Variants in IFT43 observed in about 807,000 individuals in gnomAD.
The protein encoded by IFT43 is intraflagellar transport 43.
Under a neutral mutation model 32.3 loss-of-function variants are expected in IFT43, and 33 were observed. That is an observed-to-expected ratio of 1.02 (90% CI 0.77 to 1.37). The LOEUF is 1.37. IFT43 is among the 40% of genes most tolerant of loss of function. The pLI, the probability that IFT43 is intolerant of heterozygous loss-of-function variation, is 0.00. For missense variants in IFT43, 274 were observed against 265.9 expected (o/e 1.03, Z -0.21); for synonymous variants, 93 against 98.2 (o/e 0.95, Z 0.31).
chr14:76,014,881 A>G (rs2036154465), intron 2 of IFT43, among the ~76,000 whole-genome samples: 1 of 152,118 alleles, frequency 6.6e-6, no homozygotes, highest in Non-Finnish European at 1.5e-5. Context: ...TCCTGGAACA[A>G]TTCTGTGTCT....
intron 5 of IFT43, among the ~76,000 whole-genome samples, chr14:76,079,948 G>A (rs1470422621): frequency 6.6e-6 from 1 of 151,990 alleles, no homozygotes; most frequent in African/African-American, 2.4e-5. Context: ...AGTGGGGAGG[G>A]GGGAAGGAGA....
intron 1 of IFT43, among the ~76,000 whole-genome samples, chr14:75,986,885 C>T (rs1021455783): frequency 6.6e-6 from 1 of 152,158 alleles, no homozygotes; most frequent in African/African-American, 2.4e-5. Flanking sequence ...TGTAGTTATT[C>T]ATTCATTCAA....
intron 3 of IFT43, among the ~76,000 whole-genome samples, chr14:76,047,482 C>T (rs535010377): frequency 6.6e-6 from 1 of 152,252 alleles, no homozygotes; most frequent in African/African-American, 2.4e-5. Flanking sequence ...ATGTTAAGAG[C>T]AGGTTAACTG....
At position 76,083,524 on chromosome 14, in the gene IFT43, G is replaced by A. The variant is rs762197208; in HGVS notation, c.574G>A (p.Asp192Asn). ...GTCCTCAGAGGTCCTCACTGAGTGG[G>A]ACCCACTGCAGACGGAGAAGGAGGA... is the stretch of plus-strand genomic sequence containing the variant. ...EVSSEVLTEW[D>N]PLQTEKEDPA... is the part of the protein sequence containing the mutation. Residue 192 changes from aspartate (D) to asparagine (N), a missense_variant, in exon 9 of 9, where the codon GAC becomes AAC. Coordinates refer to ENST00000314067, the MANE Select transcript of IFT43 (RefSeq NM_001102564.3). 8 of 1,614,056 alleles carry A rather than the reference G, an allele frequency of 5.0e-6. No homozygotes were observed. The African/African-American group carries it at 8.0e-5, about 16-fold the overall frequency.
intron 1 of IFT43, among the ~76,000 whole-genome samples, chr14:75,988,203 C>T (rs988824751): frequency 6.6e-6 from 1 of 151,956 alleles, no homozygotes; most frequent in African/African-American, 2.4e-5. Flanking sequence ...ACAGGGGGAC[C>T]CCATATCTAC....
chr14:76,033,458 GT>G (rs1286128510), intron 3 of IFT43, among the ~76,000 whole-genome samples: 1 of 152,208 alleles, frequency 6.6e-6, no homozygotes, highest in Non-Finnish European at 1.5e-5. Flanking sequence ...GGCTGGGTAA[GT>G]TATTGAGGAG....
At chr14:76,052,011 A>C (rs2036922784) in intron 3 of IFT43, among the ~76,000 whole-genome samples, 1 of 152,156 alleles carries the variant, frequency 6.6e-6, no homozygotes, top group African/African-American at 2.4e-5. Flanking sequence ...AGGGCCTTCC[A>C]CGGGCACAGG....
chr14:76,051,993 A>C (rs1392407247), intron 3 of IFT43, among the ~76,000 whole-genome samples: 3 of 151,984 alleles, frequency 2.0e-5, no homozygotes, highest in Admixed American at 2.0e-4. Flanking sequence ...TGAGGGATGG[A>C]CTCGCATAGG....
intron 2 of IFT43, among the ~76,000 whole-genome samples, chr14:75,999,838 C>T (rs934302894): frequency 6.6e-6 from 1 of 152,240 alleles, no homozygotes; most frequent in African/African-American, 2.4e-5. Context: ...ATAGGCCTGG[C>T]ATTCCAAGTG....
chr14:76,079,843 G>A (rs771542502), intron 5 of IFT43, among the ~76,000 whole-genome samples: 6 of 152,078 alleles, frequency 3.9e-5, no homozygotes, highest in South Asian at 2.1e-4. Context: ...GAGGCAGGCC[G>A]GATCACTGCT....
At chr14:76,082,460 A>T in intron 6 of IFT43, 93 bp downstream of exon 6, 2 of 1,186,118 alleles carry the variant, frequency 1.7e-6, no homozygotes, top group African/African-American at 3.0e-5. Flanking sequence ...GTCAATCTGG[A>T]TCTTTCTGGT....
chr14:76,053,913 C>T (rs2036962395), intron 3 of IFT43, among the ~76,000 whole-genome samples: 1 of 152,178 alleles, frequency 6.6e-6, no homozygotes, highest in Non-Finnish European at 1.5e-5. Flanking sequence ...ATTTCAGGAT[C>T]ACTCAGGAAC....
At chr14:76,015,048 T>C (rs541285586) in intron 2 of IFT43, among the ~76,000 whole-genome samples, 2 of 152,314 alleles carry the variant, frequency 1.3e-5, no homozygotes, top group East Asian at 3.9e-4. Context: ...CATCTTCTAC[T>C]TTTTCTATTG....
chr14:76,042,887 C>T (rs1193862245), intron 3 of IFT43, among the ~76,000 whole-genome samples: 1 of 152,188 alleles, frequency 6.6e-6, no homozygotes, highest in Non-Finnish European at 1.5e-5. Flanking sequence ...ACTCCAAGTA[C>T]ATGTTAAATC....
chr14:76,080,818 C>T (rs774528401), intron 5 of IFT43, among the ~76,000 whole-genome samples: 1 of 152,174 alleles, frequency 6.6e-6, no homozygotes, highest in Admixed American at 6.5e-5. Flanking sequence ...TAGAGCATTC[C>T]ATCTCCAATT....
chr14:76,059,100 G>A, intron 4 of IFT43: 3 of 1,458,270 alleles, frequency 2.1e-6, no homozygotes, highest in Non-Finnish European at 2.7e-6. Flanking sequence ...CTGCATTCAT[G>A]TCATAGCCTC....
rs536737184 is a variant in IFT43, at chr14:76,062,360, G to A, written c.295+2987G>A. On this transcript the variant is annotated intron_variant, in intron 5 of 8. Coordinates refer to ENST00000314067, the MANE Select transcript of IFT43 (RefSeq NM_001102564.3). Reference sequence around the variant, plus strand: ...GCTGGGATTACAGGTGTGAGCCACCGCGCCCGGCCTGTTTTTCTGCTTCTT... The same window carrying A: ...GCTGGGATTACAGGTGTGAGCCACCACGCCCGGCCTGTTTTTCTGCTTCTT... Among the ~76,000 whole-genome samples, 34 of 152,018 alleles carry A rather than the reference G, an allele frequency of 2.2e-4. No individual in the cohort carries two copies. The South Asian group carries it at 3.6e-3, about 16-fold the overall frequency.
intron 1 of IFT43, among the ~76,000 whole-genome samples, chr14:75,987,299 G>C (rs1362513975): frequency 1.3e-5 from 2 of 152,160 alleles, no homozygotes; most frequent in Non-Finnish European, 2.9e-5. Context: ...AAAATAAGCT[G>C]CTTATTATCA....
intron 5 of IFT43, among the ~76,000 whole-genome samples, chr14:76,073,780 G>A (rs776555015): frequency 3.2e-4 from 49 of 152,290 alleles, no homozygotes; most frequent in Non-Finnish European, 6.6e-4. Flanking sequence ...GAACTCCTTT[G>A]AAAATTGCAG....
Sources: allele counts gnomAD v4.1 joint callset (sites outside exome capture counted in the v4.1 genomes callset), GRCh38; gene constraint gnomAD v4.1.1; transcripts MANE v1.5; gene names NCBI Gene and HGNC (gene_info 2026-07-23, HGNC 2026-07-21).